The following SLC39A11 variants were observed in gnomAD, a reference collection of about 807,000 sequenced individuals.
SLC39A11 encodes zinc transporter ZIP11.
In SLC39A11, 33 loss-of-function variants were observed where a neutral mutation model predicts 36.1. The ratio of observed to expected loss-of-function variants is 0.91; its 90% CI spans 0.69 to 1.22. The LOEUF (loss-of-function observed/expected upper bound fraction) is 1.22. Ranked by LOEUF, SLC39A11 falls within the 50% of genes most tolerant of loss-of-function variation. The probability of loss-of-function intolerance (pLI) is 0.00; values close to 1 mark genes in which losing one functional copy is unlikely to be tolerated. For missense variants in SLC39A11, 432 were observed against 430.3 expected (o/e 1.00, Z -0.03); for synonymous variants, 166 against 170.3 (o/e 0.97, Z 0.20).
chr17:72,993,975 C>A (rs1342019650), intron 4 of SLC39A11, among the ~76,000 whole-genome samples: 1 of 152,156 alleles, frequency 6.6e-6, no homozygotes, highest in Non-Finnish European at 1.5e-5. Context: ...GCGGGTGTTT[C>A]CCGTGCTATT....
chr17:72,648,157 C>T (rs1473563422), intron 9 of SLC39A11, among the ~76,000 whole-genome samples: 2 of 151,756 alleles, frequency 1.3e-5, no homozygotes, highest in Non-Finnish European at 2.9e-5. Context: ...TGGCGAAACC[C>T]CGTCTCTACT....
At chr17:72,753,902 A>C (rs939299282) in intron 6 of SLC39A11, among the ~76,000 whole-genome samples, 3 of 149,708 alleles carry the variant, frequency 2.0e-5, no homozygotes, top group South Asian at 2.1e-4. Context: ...AAAAAAAAAA[A>C]AAAAAAAAAA....
intron 4 of SLC39A11, among the ~76,000 whole-genome samples, chr17:72,950,736 TATTTG>T (rs1225547235): frequency 6.6e-6 from 1 of 152,120 alleles, no homozygotes; most frequent in Non-Finnish European, 1.5e-5. Flanking sequence ...TGCAACTGTG[TATTTG>T]ATTGAAGCCC....
Position 72,849,691 on chromosome 17 carries a change from T to A in SLC39A11, c.544A>T (p.Ser182Cys). The A allele has an allele frequency of 1.2e-6, 2 of 1,609,556 alleles. No individual in the cohort carries two copies. Among genetic ancestry groups the A allele is most frequent in the South Asian group, 1.1e-5 (1 of 90,392 alleles). The change falls in exon 6 of 10, where the codon AGC (serine) becomes TGC (cysteine). Residue 182 changes from serine (S) to cysteine (C), a missense_variant. By Grantham distance (112) the Ser-to-Cys change is moderately radical. Transcript: ENST00000255559. ...SRGNLAQPGG[S>C]SWRRIALLIL... ...AGCAGTGCGATCCTCCTCCAGCTGCTGCCGCCGGGCTGTGCCAGATTCCCT... is the reference window on the plus strand; with the variant it reads ...AGCAGTGCGATCCTCCTCCAGCTGCAGCCGCCGGGCTGTGCCAGATTCCCT...
At chr17:72,864,163 A>G (rs2080184929) in intron 5 of SLC39A11, among the ~76,000 whole-genome samples, 1 of 152,214 alleles carries the variant, frequency 6.6e-6, no homozygotes, top group African/African-American at 2.4e-5. Context: ...ACCTTTTCTC[A>G]CACTATGACT....
chr17:72,900,130 G>GA lies in SLC39A11; in HGVS notation c.430+47621dup, dbSNP rs1184808537. ...AAGAAAAAGAAAGAAAGAAAAGAAA[G>GA]AAAGAAAGAAAAAGAAAGAAAGAAA... On this transcript the variant is annotated intron_variant, in intron 5 of 9. Coordinates refer to ENST00000255559, the MANE Select transcript of SLC39A11 (RefSeq NM_139177.4). Among the ~76,000 whole-genome samples, 278 of 91,312 alleles carry GA rather than the reference G, an allele frequency of 3.0e-3. 34 individuals carry two copies. The highest frequency in any genetic ancestry group is 0.018 in the African/African-American group (256 of 14,324). 59.9% of individuals were successfully genotyped at this position (91,312 alleles called of 152,430 possible). A position where few individuals can be genotyped will look rare whatever the true frequency, so the allele number is the denominator to read the frequency against.
chr17:73,039,639 C>T (rs1160691000), intron 3 of SLC39A11, among the ~76,000 whole-genome samples: 1 of 152,188 alleles, frequency 6.6e-6, no homozygotes, highest in African/African-American at 2.4e-5. Flanking sequence ...ACTCAAATGC[C>T]TTCTGTCCTT....
At chr17:72,827,661 G>A (rs1183726973) in intron 6 of SLC39A11, among the ~76,000 whole-genome samples, 2 of 152,206 alleles carry the variant, frequency 1.3e-5, no homozygotes, top group Non-Finnish European at 2.9e-5. Flanking sequence ...TGATATGAAG[G>A]AAAAATGCTA....
intron 6 of SLC39A11, among the ~76,000 whole-genome samples, chr17:72,748,074 C>A (rs2075011036): frequency 6.6e-6 from 1 of 152,192 alleles, no homozygotes; most frequent in African/African-American, 2.4e-5. Flanking sequence ...GTAATCCCAG[C>A]ACTTTGGGAG....
intron 5 of SLC39A11, among the ~76,000 whole-genome samples, chr17:72,869,194 A>G (rs1474944399): frequency 6.6e-6 from 1 of 152,198 alleles, no homozygotes; most frequent in Non-Finnish European, 1.5e-5. Flanking sequence ...AAGTGGCACC[A>G]GTGAAAGTAA....
intron 5 of SLC39A11, among the ~76,000 whole-genome samples, chr17:72,942,481 A>G (rs2466515): frequency 0.33 from 50,322 of 152,002 alleles, 9,230 homozygotes; most frequent in East Asian, 0.45. Context: ...TTCCCCAAAC[A>G]CATTATTTCG....
intron 5 of SLC39A11, among the ~76,000 whole-genome samples, chr17:72,911,681 G>C (rs1286933598): frequency 6.6e-6 from 1 of 152,046 alleles, no homozygotes; most frequent in Non-Finnish European, 1.5e-5. Context: ...CAACCATTCT[G>C]AGCCCAGGCT....
chr17:72,871,033 T>C (rs1008234700), intron 5 of SLC39A11, among the ~76,000 whole-genome samples: 1 of 151,044 alleles, frequency 6.6e-6, no homozygotes, highest in Non-Finnish European at 1.5e-5. Context: ...TTTTGGTTTT[T>C]TTTGTTTGTT....
At chr17:72,948,772 T>C (rs1440579018) in intron 4 of SLC39A11, among the ~76,000 whole-genome samples, 1 of 152,198 alleles carries the variant, frequency 6.6e-6, no homozygotes, top group Non-Finnish European at 1.5e-5. Flanking sequence ...ATTTGACAAA[T>C]ATTAATTAAC....
chr17:72,792,835 G>A (rs970686371), intron 6 of SLC39A11, among the ~76,000 whole-genome samples: 1 of 152,100 alleles, frequency 6.6e-6, no homozygotes, highest in African/African-American at 2.4e-5. Flanking sequence ...AAATTAATAA[G>A]GACATAAACA....
At chr17:73,040,592 A>C (rs1568172476) in intron 3 of SLC39A11, among the ~76,000 whole-genome samples, 1 of 152,192 alleles carries the variant, frequency 6.6e-6, no homozygotes, top group Non-Finnish European at 1.5e-5. Context: ...CATTGGGGGA[A>C]ACTGGATGAA....
intron 5 of SLC39A11, among the ~76,000 whole-genome samples, chr17:72,912,426 A>C (rs1466275817): frequency 6.6e-6 from 1 of 151,392 alleles, no homozygotes; most frequent in South Asian, 2.1e-4. Flanking sequence ...CATTCTTAGG[A>C]CAATATCTTT....
At chr17:72,870,444 C>T (rs2080549799) in intron 5 of SLC39A11, among the ~76,000 whole-genome samples, 2 of 152,256 alleles carry the variant, frequency 1.3e-5, no homozygotes, top group African/African-American at 2.4e-5. Flanking sequence ...TTATTCCTGG[C>T]TTCACTGCTG....
Position 72,932,797 on chromosome 17 carries a change from C to T in SLC39A11, c.430+14955G>A, listed in dbSNP as rs545334284. ...TACATGTATTCGCTTAGCCTATCTT[C>T]CCAAAACTCCAACATCTAGCAGCCG... On this transcript the variant is annotated intron_variant, in intron 5 of 9. Transcript: ENST00000255559. 7.2e-5 allele frequency among the ~76,000 whole-genome samples: 11 copies of T among 152,320 alleles called. No homozygotes were observed. The South Asian group carries it at 2.1e-3, about 29-fold the overall frequency.
Sources: gnomAD v4.1 joint callset for allele counts (sites outside exome capture counted in the v4.1 genomes callset) on GRCh38, gnomAD v4.1.1 for gene constraint, MANE v1.5 for transcripts, NCBI Gene and HGNC (gene_info 2026-07-23, HGNC 2026-07-21) for gene names.